COG5: variants seen among roughly 807,000 people sequenced by gnomAD.
The protein encoded by COG5 is conserved oligomeric Golgi complex subunit 5.
Under a neutral mutation model 110.4 loss-of-function variants are expected in COG5, and 86 were observed. That is an observed-to-expected ratio of 0.78 (90% CI 0.65 to 0.93). The LOEUF (loss-of-function observed/expected upper bound fraction) is 0.93. Among genes scored for constraint, COG5 ranks in the 40% least tolerant of loss-of-function variants. The pLI is 0.00. For missense variants in COG5, 1,077 were observed against 987.0 expected (o/e 1.09, Z -1.22); for synonymous variants, 360 against 334.6 (o/e 1.08, Z -0.83).
intron 7 of COG5, among the ~76,000 whole-genome samples, chr7:107,385,028 C>T (rs1257336600): frequency 6.6e-6 from 1 of 152,206 alleles, no homozygotes; most frequent in East Asian, 1.9e-4. Context: ...AAGACAGCAT[C>T]TTTGCACATG....
At chr7:107,209,733 C>G (rs1413900594) in intron 21 of COG5, 1 of 792,112 alleles carries the variant, frequency 1.3e-6, no homozygotes, top group Non-Finnish European at 1.5e-6. Flanking sequence ...TACTTCGTAT[C>G]CTCGGTTCCT....
At chr7:107,374,699 GCTC>G (rs2129050856) in intron 7 of COG5, among the ~76,000 whole-genome samples, 1 of 151,990 alleles carries the variant, frequency 6.6e-6, no homozygotes, top group East Asian at 1.9e-4. Flanking sequence ...TACAAATATA[GCTC>G]ATCATTAAAG....
intron 19 of COG5, among the ~76,000 whole-genome samples, chr7:107,212,427 A>G (rs1022467229): frequency 6.6e-5 from 10 of 152,264 alleles, no homozygotes; most frequent in African/African-American, 2.2e-4. Context: ...ACAGTGTTCA[A>G]TGCTGCAGAG....
At chr7:107,309,296 T>G (rs1207900370) in intron 11 of COG5, among the ~76,000 whole-genome samples, 10 of 152,166 alleles carry the variant, frequency 6.6e-5, no homozygotes, top group Non-Finnish European at 1.5e-4. Flanking sequence ...CTTTAGCATG[T>G]AAGTCCATTT....
chr7:107,310,664 G>A (rs1256206554), intron 11 of COG5, among the ~76,000 whole-genome samples: 1 of 152,032 alleles, frequency 6.6e-6, no homozygotes, highest in Non-Finnish European at 1.5e-5. Context: ...ACTGCTCGAA[G>A]ACAAAAAACA....
intron 11 of COG5, among the ~76,000 whole-genome samples, chr7:107,320,387 T>C (rs1238761285): frequency 6.6e-6 from 1 of 152,234 alleles, no homozygotes; most frequent in East Asian, 1.9e-4. Flanking sequence ...ATATCTTTTC[T>C]ATGCAAAATG....
At chr7:107,526,164 G>A (rs1212099555) in intron 6 of COG5, among the ~76,000 whole-genome samples, 1 of 152,144 alleles carries the variant, frequency 6.6e-6, no homozygotes, top group Non-Finnish European at 1.5e-5. Context: ...TGCTTTCAAA[G>A]CACAATAGCA....
intron 8 of COG5, among the ~76,000 whole-genome samples, chr7:107,372,244 A>C (rs533249476): frequency 3.9e-5 from 6 of 152,346 alleles, no homozygotes; most frequent in African/African-American, 1.4e-4. Context: ...GCATTCCTTA[A>C]AAAATATTTT....
At chr7:107,504,128 T>G (rs1399719328) in intron 6 of COG5, among the ~76,000 whole-genome samples, 1 of 152,130 alleles carries the variant, frequency 6.6e-6, no homozygotes, top group Non-Finnish European at 1.5e-5. Flanking sequence ...ATGTCGGCTG[T>G]GGGTTTGTCA....
intron 6 of COG5, among the ~76,000 whole-genome samples, chr7:107,427,280 C>T (rs571538971): frequency 1.3e-5 from 2 of 152,292 alleles, no homozygotes; most frequent in East Asian, 1.9e-4. Context: ...AGATCAGCAA[C>T]TGAGATTTGG....
chr7:107,285,946 A>G (rs1584622209), intron 12 of COG5, among the ~76,000 whole-genome samples: 1 of 152,306 alleles, frequency 6.6e-6, no homozygotes, highest in East Asian at 1.9e-4. Flanking sequence ...AATTTAAAAT[A>G]AGTTAAATAT....
At chr7:107,537,528 G>C (rs895912574) in intron 5 of COG5, among the ~76,000 whole-genome samples, 5 of 152,010 alleles carry the variant, frequency 3.3e-5, no homozygotes, top group Admixed American at 3.3e-4. Flanking sequence ...TCATCAGTGG[G>C]AGCTGAACAA....
At chr7:107,418,197 A>G (rs1284493824) in intron 6 of COG5, among the ~76,000 whole-genome samples, 1 of 149,812 alleles carries the variant, frequency 6.7e-6, no homozygotes, top group Non-Finnish European at 1.5e-5. Context: ...CAAACTTTGT[A>G]TCTTTGAAAT....
At chr7:107,215,868 C>T (rs952403636) in intron 19 of COG5, among the ~76,000 whole-genome samples, 6 of 151,732 alleles carry the variant, frequency 4.0e-5, no homozygotes, top group Non-Finnish European at 5.9e-5. Flanking sequence ...TGCCACCACA[C>T]CTGGCTAATT....
chr7:107,531,702 G>GATATC (rs1801217062), intron 5 of COG5, among the ~76,000 whole-genome samples: 2 of 144,220 alleles, frequency 1.4e-5, no homozygotes, highest in South Asian at 4.3e-4. Flanking sequence ...TTATGAAATT[G>GATATC]ATTTAAACAT....
intron 6 of COG5, among the ~76,000 whole-genome samples, chr7:107,426,429 G>A (rs1372412415): frequency 6.6e-6 from 1 of 152,060 alleles, no homozygotes; most frequent in East Asian, 1.9e-4. Context: ...CCATAAACTG[G>A]GTGGCTTATA....
In COG5 at chr7:107,228,005, C is replaced by A. The variant is rs536586650; in HGVS notation, c.2168+2610G>T. Among the ~76,000 whole-genome samples, 7 of 152,160 alleles carry A rather than the reference C, an allele frequency of 4.6e-5. No homozygotes were observed. In the South Asian group the frequency reaches 6.2e-4, roughly 14 times the overall value. Reference sequence around the variant, plus strand: ...GGACTGGGGCTATAAAAAATAATAGCCTAGGCCAGGTGTGGTGGCTTACAC... The same window carrying A: ...GGACTGGGGCTATAAAAAATAATAGACTAGGCCAGGTGTGGTGGCTTACAC... On this transcript the variant is annotated intron_variant, in intron 19 of 21. Coordinates refer to ENST00000297135, the MANE Select transcript of COG5 (RefSeq NM_006348.5).
chr7:107,520,361 T>C (rs947690520), intron 6 of COG5, among the ~76,000 whole-genome samples: 4 of 152,194 alleles, frequency 2.6e-5, no homozygotes, highest in African/African-American at 7.2e-5. Context: ...AAATTGTCTG[T>C]TTCCAGATGA....
intron 7 of COG5, among the ~76,000 whole-genome samples, chr7:107,395,655 A>G (rs918117071): frequency 6.8e-6 from 1 of 147,342 alleles, no homozygotes; most frequent in African/African-American, 2.5e-5. Context: ...CCTAGGTTCA[A>G]GCAATTCTCC....
Sources: gnomAD v4.1 joint callset for allele counts (sites outside exome capture counted in the v4.1 genomes callset) on GRCh38, gnomAD v4.1.1 for gene constraint, MANE v1.5 for transcripts, NCBI Gene and HGNC (gene_info 2026-07-23, HGNC 2026-07-21) for gene names.